SLC17A1: variants seen among roughly 807,000 people sequenced by gnomAD.
The protein encoded by SLC17A1 is sodium-dependent phosphate transport protein 1.
A neutral mutation model predicts 53.5 loss-of-function variants in SLC17A1; 51 were observed. The observed-to-expected ratio is 0.95, with a 90% confidence interval of 0.76 to 1.20. The LOEUF (loss-of-function observed/expected upper bound fraction) is 1.20, where lower values mean the gene tolerates loss of function less well. Ranked by LOEUF, SLC17A1 falls within the 50% of genes most tolerant of loss-of-function variation. The pLI is 0.00. For synonymous variants in SLC17A1, 179 were observed against 198.8 expected (o/e 0.90, Z 0.84); for missense variants, 538 against 568.2 (o/e 0.95, Z 0.54).
intron 12 of SLC17A1, among the ~76,000 whole-genome samples, chr6:25,797,596 C>T (rs16891051): frequency 2.6e-5 from 4 of 151,750 alleles, no homozygotes; most frequent in Admixed American, 6.6e-5. Context: ...TCTAGAGCAT[C>T]CATTTCTACC....
intron 10 of SLC17A1, among the ~76,000 whole-genome samples, chr6:25,803,128 A>G (rs576174055): frequency 6.6e-6 from 1 of 151,174 alleles, no homozygotes; most frequent in Non-Finnish European, 1.5e-5. Flanking sequence ...TTGTATTTTT[A>G]GTAGAGACGG....
At chr6:25,820,584 T>C (rs1764517875) in intron 3 of SLC17A1, among the ~76,000 whole-genome samples, 1 of 152,118 alleles carries the variant, frequency 6.6e-6, no homozygotes, top group Admixed American at 6.6e-5. Context: ...TCTTTTTACA[T>C]TATTAAAGAA....
Position 25,819,745 on chromosome 6 carries a change from T to C in SLC17A1, c.378A>G (p.Pro126=), listed in dbSNP as rs1354647648. 1.9e-6 allele frequency: 3 copies of C among 1,614,012 alleles called. No individual in the cohort carries two copies. The African/African-American group carries it at 4.0e-5, about 22-fold the overall frequency. Residue 126 remains proline (P), a synonymous_variant, in exon 4 of 13, where the codon CCA becomes CCG. Coordinates refer to ENST00000244527, the MANE Select transcript of SLC17A1 (RefSeq NM_005074.5). ...CLSSVLSLLI[P]PAAGIGVAWV... is the part of the protein sequence containing the mutation. ...AAGCTACTCCAATTCCAGCTGCTGG[T>C]GGGATGAGCAGGCTTAACACAGAGC...
At chr6:25,749,804 T>C in the SLC17A1 span, among the ~76,000 whole-genome samples, 1 of 152,312 alleles carries the variant, frequency 6.6e-6, no homozygotes, top group African/African-American at 2.4e-5. Context: ...ATCAATTCAA[T>C]TTAATTAGAA....
chr6:25,815,141 GA>G (rs1452432136), intron 6 of SLC17A1, among the ~76,000 whole-genome samples: 9 of 141,074 alleles, frequency 6.4e-5, no homozygotes, highest in African/African-American at 2.4e-4. Flanking sequence ...CTGGAAGGAA[GA>G]AAGAAAGAAA....
At chr6:25,726,550 AC>A in the SLC17A1 span, 3 of 1,591,664 alleles carry the variant, frequency 1.9e-6, no homozygotes, top group Non-Finnish European at 2.6e-6. Context: ...AATTGCAGCA[AC>A]ACGAGAACCA....
downstream of SLC17A1, chr6:25,780,264 G>C (rs920805969): frequency 6.6e-6 from 1 of 152,212 alleles, no homozygotes; most frequent in Admixed American, 6.5e-5. Flanking sequence ...GTATTAAGGA[G>C]TTCAGTGTCT....
chr6:25,794,046 T>C (rs946955937), intron 12 of SLC17A1, among the ~76,000 whole-genome samples: 4 of 152,318 alleles, frequency 2.6e-5, no homozygotes, highest in Admixed American at 1.3e-4. Flanking sequence ...TAGCTGCTTG[T>C]TCCTGTTTAT....
chr6:25,801,659 T>C (rs1322937051), intron 10 of SLC17A1, among the ~76,000 whole-genome samples: 2 of 152,222 alleles, frequency 1.3e-5, no homozygotes, highest in Admixed American at 6.5e-5. Context: ...AAGTTCAGTG[T>C]GTTCAAGTCC....
the SLC17A1 span, chr6:25,776,625 G>C: frequency 6.2e-7 from 1 of 1,612,710 alleles, no homozygotes; most frequent in Non-Finnish European, 8.5e-7. Context: ...GCCGTTTGTT[G>C]TTGGATGTAT....
intron 10 of SLC17A1, among the ~76,000 whole-genome samples, chr6:25,803,825 T>C (rs1293541525): frequency 6.6e-6 from 1 of 152,172 alleles, no homozygotes; most frequent in Non-Finnish European, 1.5e-5. Context: ...GGTACTATTC[T>C]ATATACTTGA....
chr6:25,807,143 G>C (rs887564968), intron 10 of SLC17A1, among the ~76,000 whole-genome samples: 1 of 152,108 alleles, frequency 6.6e-6, no homozygotes, highest in African/African-American at 2.4e-5. Context: ...ATTGAAAGTA[G>C]ATCTACCATT....
the SLC17A1 span, chr6:25,732,191 A>C: frequency 2.6e-6 from 1 of 379,300 alleles, no homozygotes; most frequent in Non-Finnish European, 4.9e-6. Context: ...CAGGGAGATC[A>C]CTAACTGATG....
chr6:25,826,609 T>C lies in SLC17A1; in HGVS notation c.59A>G (p.Tyr20Cys), dbSNP rs552927773. ...KKVPGFCSFRYGLSFLVHCCN... is the reference protein window; with the variant it reads ...KKVPGFCSFRCGLSFLVHCCN... ...ACAGTGCACAAGGAAAGACAATCCA[T>C]AGCGAAAGGAACAGAAACCTGGAAC... is the stretch of plus-strand genomic sequence containing the variant. Residue 20 changes from tyrosine to cysteine, a missense_variant, in exon 3 of 13, where the codon TAT (tyrosine) becomes TGT (cysteine). Coordinates refer to ENST00000244527, the MANE Select transcript of SLC17A1 (RefSeq NM_005074.5). 33 of 1,585,312 alleles carry C rather than the reference T, an allele frequency of 2.1e-5. No individual in the cohort carries two copies. Among genetic ancestry groups the C allele is most frequent in the Non-Finnish European group, 2.7e-5 (31 of 1,164,708 alleles).
the SLC17A1 span, among the ~76,000 whole-genome samples, chr6:25,751,115 A>G: frequency 6.6e-6 from 1 of 152,214 alleles, no homozygotes; most frequent in Non-Finnish European, 1.5e-5. Context: ...CTAGCATGAC[A>G]CATTGGGTGT....
At chr6:25,826,708 T>C (rs1282113476) in intron 2 of SLC17A1, 75 bp from the exon 3 acceptor site, 5 of 1,107,336 alleles carry the variant, frequency 4.5e-6, no homozygotes, top group Non-Finnish European at 2.4e-6. Flanking sequence ...AGGAGGGACA[T>C]TCAGAAATTT....
chr6:25,786,448 T>G (rs982665086), intron 12 of SLC17A1, among the ~76,000 whole-genome samples: 2 of 152,072 alleles, frequency 1.3e-5, no homozygotes, highest in Non-Finnish European at 2.9e-5. Context: ...CCTCTCCATT[T>G]TGTTGGACCA....
At chr6:25,764,551 T>A in the SLC17A1 span, among the ~76,000 whole-genome samples, 1 of 152,190 alleles carries the variant, frequency 6.6e-6, no homozygotes, top group South Asian at 2.1e-4. Context: ...TAATACAATT[T>A]GGAAGAAATT....
At chr6:25,811,201 T>C (rs1208475081) in intron 10 of SLC17A1, among the ~76,000 whole-genome samples, 197 bp downstream of exon 10, 1 of 152,118 alleles carries the variant, frequency 6.6e-6, no homozygotes, top group Non-Finnish European at 1.5e-5. Flanking sequence ...TATTATATTC[T>C]TGAAAATTCC....
Sources: gnomAD v4.1 joint callset for allele counts (sites outside exome capture counted in the v4.1 genomes callset) on GRCh38, gnomAD v4.1.1 for gene constraint, MANE v1.5 for transcripts, NCBI Gene and HGNC (gene_info 2026-07-23, HGNC 2026-07-21) for gene names.